Variants in FANCA observed in about 807,000 individuals in gnomAD.
The protein encoded by FANCA is FA complementation group A, also known as Fanconi anemia group A protein.
In FANCA, 236 loss-of-function variants were observed where a neutral mutation model predicts 194.3. The observed-to-expected ratio is 1.21, with a 90% CI of 1.09 to 1.35. FANCA has a LOEUF of 1.35. Ranked by LOEUF, FANCA falls within the 40% of genes most tolerant of loss-of-function variation. FANCA has a pLI of 0.00. For synonymous variants in FANCA, 1,014 were observed against 715.8 expected, an observed-to-expected ratio of 1.42 and a Z score of -6.65; for missense variants, 2,628 against 1,813.9, an observed-to-expected ratio of 1.45 and a Z score of -8.15.
Position 89,748,692 on chromosome 16 carries a change from G to A in FANCA, c.3315C>T (p.Cys1105=), listed in dbSNP as rs749550737. Residue 1105 remains cysteine, a synonymous_variant, in exon 33 of 43, where the codon TGC becomes TGT. Coordinates refer to ENST00000389301, the MANE Select transcript of FANCA (RefSeq NM_000135.4). Reference sequence around the variant, plus strand: ...AGTTGACCAAGTGGAAGAACTGCTCGCATCTGGCAGTGATGGGCTGTTCTG... The same window carrying A: ...AGTTGACCAAGTGGAAGAACTGCTCACATCTGGCAGTGATGGGCTGTTCTG... ...FQAEQPITAR[C]EQFFHLVNSE... is the part of the protein sequence containing the mutation. 1.5e-5 allele frequency: 25 copies of A among 1,613,984 alleles called. No individual in the cohort carries two copies. Among genetic ancestry groups the A allele is most frequent in the Middle Eastern group, 3.3e-4 (2 of 6,084 alleles).
At position 89,738,292 on chromosome 16, in the gene FANCA, T is replaced by G. The variant is rs56346328; in HGVS notation, c.*309A>C. The G allele has an allele frequency of 1.9e-6, 3 of 1,544,976 alleles. No homozygotes were observed. In the East Asian group the frequency reaches 7.3e-5, roughly 38 times the overall value. On this transcript the variant is annotated 3_prime_UTR_variant, in exon 43 of 43. Coordinates refer to ENST00000389301, the MANE Select transcript of FANCA (RefSeq NM_000135.4). ...ACCTCTAGCAGCCTGGACTCCGCAG[T>G]GGCTGTGTCAGCCTCACCCTTCGTG...
At chr16:89,745,345 G>A (rs2038346582) in intron 35 of FANCA, among the ~76,000 whole-genome samples, 1 of 152,176 alleles carries the variant, frequency 6.6e-6, no homozygotes, top group Non-Finnish European at 1.5e-5. Context: ...CCCCTGAGCT[G>A]GGAACGAAAC....
intron 26 of FANCA, among the ~76,000 whole-genome samples, chr16:89,767,557 G>A (rs1413169084): frequency 1.3e-5 from 2 of 151,766 alleles, no homozygotes; most frequent in Admixed American, 6.6e-5. Flanking sequence ...TGTTGTTAGT[G>A]CTTTTTTTTT....
chr16:89,778,927 G>C lies in FANCA; in HGVS notation c.1776+16C>G. On this transcript the variant is annotated intron_variant, in intron 19 of 42. Coordinates refer to ENST00000389301, the MANE Select transcript of FANCA (RefSeq NM_000135.4). ...TCTACACAACTGGTCACAAACTCAT[G>C]GAGACGCATACTGACCACTCGAGGT... 20 of 1,614,140 alleles carry C rather than the reference G, an allele frequency of 1.2e-5. No individual in the cohort carries two copies. Among genetic ancestry groups the C allele is most frequent in the Non-Finnish European group, 1.7e-5 (20 of 1,180,010 alleles).
intron 15 of FANCA, among the ~76,000 whole-genome samples, chr16:89,783,369 T>C (rs530810445): frequency 1.3e-5 from 2 of 151,842 alleles, no homozygotes; most frequent in East Asian, 1.9e-4. Context: ...GCTAACATGG[T>C]GAAACCCTGT....
At chr16:89,815,792 G>A (rs891449407) in intron 2 of FANCA, 85 bp downstream of exon 2, 1 of 1,133,620 alleles carries the variant, frequency 8.8e-7, no homozygotes, top group Non-Finnish European at 1.3e-6. Context: ...CGCCTCGGGT[G>A]TTTTCTTAGG....
At position 89,778,361 on chromosome 16, in the gene FANCA, G is replaced by A. The variant is rs745998283; in HGVS notation, c.1826+440C>T. The A allele has an allele frequency of 8.1e-6, 3 of 370,862 alleles. 1 individual carries two copies. The highest frequency in any genetic ancestry group is 5.8e-5 in the South Asian group (3 of 51,726). The allele number at this position is 370,862 out of a possible 1,614,324, so 23.0% of individuals were successfully genotyped here. ...CATACCTATAATCCCAGCTACTCAGGAGGCTGAGGCAGGACAATTGCTCCA... is the reference window on the plus strand; with the variant it reads ...CATACCTATAATCCCAGCTACTCAGAAGGCTGAGGCAGGACAATTGCTCCA... On this transcript the variant is annotated intron_variant, in intron 20 of 42. Coordinates refer to ENST00000389301, the MANE Select transcript of FANCA (RefSeq NM_000135.4).
chr16:89,815,402 G>A (rs1017072819), intron 2 of FANCA, among the ~76,000 whole-genome samples: 2 of 133,252 alleles, frequency 1.5e-5, no homozygotes, highest in Non-Finnish European at 3.1e-5. Context: ...AGACTGGATT[G>A]CAAGGGGCGT....
At chr16:89,791,843 C>T in intron 13 of FANCA, 84 bp downstream of exon 13, 1 of 1,554,344 alleles carries the variant, frequency 6.4e-7, no homozygotes. Flanking sequence ...CACTGAGAGG[C>T]TCACCCACAG....
chr16:89,807,232 G>A (rs1461585608), intron 6 of FANCA, among the ~76,000 whole-genome samples: 2 of 151,132 alleles, frequency 1.3e-5, no homozygotes, highest in African/African-American at 4.9e-5. Context: ...GCCGAGGCGG[G>A]AGGATCACAA....
At chr16:89,776,570 G>C (rs1389696168) in intron 20 of FANCA, among the ~76,000 whole-genome samples, 1 of 151,920 alleles carries the variant, frequency 6.6e-6, no homozygotes, top group African/African-American at 2.4e-5. Context: ...GATCCCGCCT[G>C]TAATCCCAGC....
At chr16:89,761,275 T>G (rs191240538) in intron 29 of FANCA, among the ~76,000 whole-genome samples, 1 of 151,680 alleles carries the variant, frequency 6.6e-6, no homozygotes, top group Non-Finnish European at 1.5e-5. Flanking sequence ...AAAAATTAGC[T>G]GGGTATGGTG....
At chr16:89,773,182 A>T (rs1040270224) in intron 22 of FANCA, 89 bp downstream of exon 22, 31 of 1,007,226 alleles carry the variant, frequency 3.1e-5, no homozygotes, top group Non-Finnish European at 4.1e-5. Flanking sequence ...CACCAGCCTG[A>T]TGTCACTATG....
chr16:89,808,002 G>A (rs1730830055), intron 6 of FANCA, among the ~76,000 whole-genome samples: 1 of 152,014 alleles, frequency 6.6e-6, no homozygotes, highest in South Asian at 2.1e-4. Context: ...AGGTTGTAGT[G>A]AGCTGAAATC....
chr16:89,807,206 T>C (rs991692529), intron 6 of FANCA, among the ~76,000 whole-genome samples: 3 of 146,934 alleles, frequency 2.0e-5, no homozygotes, highest in African/African-American at 7.8e-5. Flanking sequence ...TTTTTTGAGA[T>C]GAAATTCTGC....
intron 23 of FANCA, 45 bp from the exon 24 acceptor site, chr16:89,770,679 A>C (rs1467049416): frequency 6.6e-7 from 1 of 1,524,234 alleles, no homozygotes; most frequent in African/African-American, 1.4e-5. Flanking sequence ...TGGGGACGGG[A>C]GCAGCAGGAA....
intron 5 of FANCA, 110 bp from the exon 6 acceptor site, chr16:89,808,477 T>C: frequency 5.3e-6 from 6 of 1,136,332 alleles, no homozygotes; most frequent in South Asian, 1.3e-5. Flanking sequence ...TTCTTAACCA[T>C]GCCGTATTGA....
At position 89,816,604 on chromosome 16, in the gene FANCA, C is replaced by A. The variant is rs1009539881; in HGVS notation, c.12G>T (p.Ser4=). Residue 4 remains serine (S), a synonymous_variant, in exon 1 of 43, where the codon TCG becomes TCT. Transcript: ENST00000389301. ...GGCCCGAGGCGGAGTTCGGGACCCA[C>A]GAGTCGGACATGGCCTTGGCGCCTA... MSD[S]WVPNSASGQD... The A allele has an allele frequency of 5.9e-6, 9 of 1,526,130 alleles. No homozygotes were observed. The Admixed American group carries it at 1.6e-4, about 27-fold the overall frequency. 94.5% of individuals were successfully genotyped at this position (1,526,130 alleles called of 1,614,324 possible).
chr16:89,755,354 C>T (rs2038733455), intron 30 of FANCA, among the ~76,000 whole-genome samples: 1 of 152,084 alleles, frequency 6.6e-6, no homozygotes, highest in Non-Finnish European at 1.5e-5. Flanking sequence ...GCTGGGATTA[C>T]AGGCGCCTGC....
Sources: gnomAD v4.1 joint callset for allele counts (sites outside exome capture counted in the v4.1 genomes callset) on GRCh38, gnomAD v4.1.1 for gene constraint, MANE v1.5 for transcripts, NCBI Gene and HGNC (gene_info 2026-07-23, HGNC 2026-07-21) for gene names.